The following WWOX variants were observed in gnomAD, a reference collection of about 807,000 sequenced individuals.
WWOX encodes the protein WW domain containing oxidoreductase, also known as WW domain-containing oxidoreductase.
A neutral mutation model predicts 46.2 loss-of-function variants in WWOX; 69 were observed. The ratio of observed to expected loss-of-function variants is 1.49; its 90% CI spans 1.23 to 1.82. The LOEUF (loss-of-function observed/expected upper bound fraction) is 1.82. WWOX is among the 40% of genes most tolerant of loss of function. The pLI, the probability that WWOX is intolerant of heterozygous loss-of-function variation, is 0.00. For synonymous variants in WWOX, 359 were observed against 202.6 expected, an observed-to-expected ratio of 1.77 and a Z score of -6.56; for missense variants, 919 against 542.6, an observed-to-expected ratio of 1.69 and a Z score of -6.89.
At chr16:78,735,211 G>C (rs2049058487) in intron 8 of WWOX, among the ~76,000 whole-genome samples, 2 of 152,018 alleles carry the variant, frequency 1.3e-5, no homozygotes, top group East Asian at 1.9e-4. Flanking sequence ...TGAAGCATCA[G>C]CATTTCTTGT....
rs77562732 is a variant in WWOX at position 78,761,545 on chromosome 16, G to T, written c.1056+328793G>T. 2.5e-3 allele frequency among the ~76,000 whole-genome samples: 385 copies of T among 152,156 alleles called. 8 individuals carry two copies. In the East Asian group the frequency reaches 0.047, roughly 19 times the overall value. On this transcript the variant is annotated intron_variant, in intron 8 of 8. Coordinates refer to ENST00000566780, the MANE Select transcript of WWOX (RefSeq NM_016373.4). Reference sequence around the variant, plus strand: ...GCTCATCTACCCTGATAGTTTCCCTGTGGTTTGTGGTGGGCTCACAGCTCT... The same window carrying T: ...GCTCATCTACCCTGATAGTTTCCCTTTGGTTTGTGGTGGGCTCACAGCTCT...
chr16:78,702,806 G>A (rs148746316), intron 8 of WWOX, among the ~76,000 whole-genome samples: 1 of 152,188 alleles, frequency 6.6e-6, no homozygotes, highest in African/African-American at 2.4e-5. Context: ...GAAGCTCTGT[G>A]TGCTGCGGGT....
At chr16:78,360,199 A>G (rs1422286108) in intron 5 of WWOX, among the ~76,000 whole-genome samples, 1 of 152,214 alleles carries the variant, frequency 6.6e-6, no homozygotes, top group Non-Finnish European at 1.5e-5. Flanking sequence ...TTGACACCAG[A>G]TATTGTGAGG....
chr16:78,148,136 C>T (rs988553509), intron 4 of WWOX, among the ~76,000 whole-genome samples: 4 of 152,132 alleles, frequency 2.6e-5, no homozygotes, highest in Non-Finnish European at 5.9e-5. Flanking sequence ...GTTGGGTTCC[C>T]TTCTTCTCTT....
intron 8 of WWOX, among the ~76,000 whole-genome samples, chr16:78,682,017 C>A (rs1056667142): frequency 5.3e-5 from 8 of 152,150 alleles, no homozygotes; most frequent in African/African-American, 9.7e-5. Flanking sequence ...TTTTAAAAGT[C>A]TTTTCATTTG....
intron 8 of WWOX, among the ~76,000 whole-genome samples, chr16:79,178,369 T>G (rs1378813915): frequency 6.6e-6 from 1 of 152,118 alleles, no homozygotes; most frequent in African/African-American, 2.4e-5. Flanking sequence ...CAGGCTGGAG[T>G]GCAGTGGTGC....
chr16:78,937,786 G>T (rs955087746), intron 8 of WWOX, among the ~76,000 whole-genome samples: 4 of 151,546 alleles, frequency 2.6e-5, no homozygotes, highest in Non-Finnish European at 4.4e-5. Context: ...CACCATGCCT[G>T]GCTAACTTTT....
In WWOX at chr16:78,799,039, A is replaced by G. The variant is rs1341148087; in HGVS notation, c.1056+366287A>G. Reference sequence around the variant, plus strand: ...TTCCGGTGGGATGCATTTCATTTATATGTGCTTGTATCGTCTATACCTTGT... The same window carrying G: ...TTCCGGTGGGATGCATTTCATTTATGTGTGCTTGTATCGTCTATACCTTGT... On this transcript the variant is annotated intron_variant, in intron 8 of 8. Transcript: ENST00000566780. 2.6e-5 allele frequency among the ~76,000 whole-genome samples: 4 copies of G among 152,200 alleles called. No homozygotes were observed. In the East Asian group the frequency reaches 7.7e-4, roughly 29 times the overall value.
chr16:79,007,925 C>G (rs1440455388), intron 8 of WWOX, among the ~76,000 whole-genome samples: 1 of 152,124 alleles, frequency 6.6e-6, no homozygotes, highest in Non-Finnish European at 1.5e-5. Context: ...GAGGTAGTTA[C>G]TTTCATTGTG....
chr16:78,592,280 G>A (rs2045369711), intron 8 of WWOX, among the ~76,000 whole-genome samples: 1 of 152,122 alleles, frequency 6.6e-6, no homozygotes, highest in South Asian at 2.1e-4. Context: ...CACTAAATAG[G>A]ACATATGTGT....
intron 8 of WWOX, among the ~76,000 whole-genome samples, chr16:78,576,492 G>A (rs976223532): frequency 6.6e-6 from 1 of 152,088 alleles, no homozygotes; most frequent in South Asian, 2.1e-4. Context: ...TTCCATTTCG[G>A]TTTCCTTAAG....
chr16:78,252,019 T>A (rs1379702370), intron 5 of WWOX, among the ~76,000 whole-genome samples: 2 of 152,192 alleles, frequency 1.3e-5, no homozygotes, highest in African/African-American at 2.4e-5. Flanking sequence ...TCATGGGACT[T>A]GTAAAGTAAA....
intron 5 of WWOX, among the ~76,000 whole-genome samples, chr16:78,332,147 C>T (rs757610507): frequency 5.3e-5 from 8 of 152,158 alleles, no homozygotes; most frequent in Admixed American, 2.6e-4. Context: ...TTTGTGCCCA[C>T]CTACATCCTG....
At chr16:79,188,644 G>A (rs920693750) in intron 8 of WWOX, among the ~76,000 whole-genome samples, 1 of 152,172 alleles carries the variant, frequency 6.6e-6, no homozygotes, top group African/African-American at 2.4e-5. Flanking sequence ...TGCTAGGCAG[G>A]ATCTGCAGAC....
At chr16:78,503,343 G>A (rs2085115316) in intron 8 of WWOX, among the ~76,000 whole-genome samples, 1 of 151,818 alleles carries the variant, frequency 6.6e-6, no homozygotes, top group East Asian at 1.9e-4. Flanking sequence ...CCTTCCAACT[G>A]TTCCACTTTT....
chr16:78,333,011 G>C (rs1446027231), intron 5 of WWOX, among the ~76,000 whole-genome samples: 1 of 146,672 alleles, frequency 6.8e-6, no homozygotes, highest in African/African-American at 2.5e-5. Context: ...TTCTTCGCTT[G>C]GGTATTCTGA....
At chr16:78,513,196 A>G (rs1352143057) in intron 8 of WWOX, among the ~76,000 whole-genome samples, 2 of 152,234 alleles carry the variant, frequency 1.3e-5, no homozygotes, top group African/African-American at 4.8e-5. Flanking sequence ...GGAAGGAGAC[A>G]GGATATGAAT....
intron 8 of WWOX, among the ~76,000 whole-genome samples, chr16:78,863,035 C>G (rs2043925475): frequency 6.6e-6 from 1 of 150,982 alleles, no homozygotes; most frequent in South Asian, 2.1e-4. Context: ...CTTGGCTCAC[C>G]ACAACCTCTG....
intron 8 of WWOX, among the ~76,000 whole-genome samples, chr16:78,608,744 C>T (rs2045826317): frequency 6.6e-6 from 1 of 152,138 alleles, no homozygotes; most frequent in Non-Finnish European, 1.5e-5. Context: ...TGGAGTACTG[C>T]GGACCCAGGA....
Sources: allele counts gnomAD v4.1 joint callset (sites outside exome capture counted in the v4.1 genomes callset), GRCh38; gene constraint gnomAD v4.1.1; transcripts MANE v1.5; gene names NCBI Gene and HGNC (gene_info 2026-07-23, HGNC 2026-07-21).